The following TRAM1 variants were observed in gnomAD, a reference collection of about 807,000 sequenced individuals.
The protein encoded by TRAM1 is translocation associated membrane protein 1.
In TRAM1, 17 loss-of-function variants were observed where a neutral mutation model predicts 48.7. The observed-to-expected ratio is 0.35, with a 90% CI of 0.24 to 0.52. The LOEUF is 0.52. TRAM1 is among the 20% of genes least tolerant of loss of function. The probability of loss-of-function intolerance (pLI) is 0.94; values close to 1 mark genes in which losing one functional copy is unlikely to be tolerated. For missense variants in TRAM1, 351 were observed against 441.5 expected, an observed-to-expected ratio of 0.79 and a Z score of 1.84; for synonymous variants, 182 against 154.0, an observed-to-expected ratio of 1.18 and a Z score of -1.34.
intron 1 of TRAM1, chr8:70,607,443 T>A: frequency 1.0e-6 from 1 of 985,498 alleles, no homozygotes. Flanking sequence ...GAAAACAATC[T>A]GGCGCGCCTC....
intron 1 of TRAM1, 24 bp downstream of exon 1, chr8:70,608,053 G>T: frequency 6.3e-7 from 1 of 1,575,214 alleles, no homozygotes; most frequent in Non-Finnish European, 8.6e-7. Flanking sequence ...CGGGGCAGGC[G>T]GTTGGGACTC....
At chr8:70,604,968 GA>G (rs1335432606) in intron 1 of TRAM1, among the ~76,000 whole-genome samples, 26 of 152,256 alleles carry the variant, frequency 1.7e-4, no homozygotes, top group African/African-American at 6.0e-4. Flanking sequence ...GAATTATGTG[GA>G]CAGATATTTA....
chr8:70,596,125 G>A (rs1019334145), intron 5 of TRAM1, 138 bp downstream of exon 5: 6 of 555,440 alleles, frequency 1.1e-5, no homozygotes, highest in Non-Finnish European at 1.8e-5. Flanking sequence ...TCTTACGGCA[G>A]TGGGACTGTC....
intron 8 of TRAM1, among the ~76,000 whole-genome samples, chr8:70,585,089 T>C (rs1817181385): frequency 6.6e-6 from 1 of 152,062 alleles, no homozygotes; most frequent in South Asian, 2.1e-4. Flanking sequence ...GAGATATAGA[T>C]CAATGGAACA....
At chr8:70,591,007 T>C (rs2380658) in intron 6 of TRAM1, among the ~76,000 whole-genome samples, 1 of 129,372 alleles carries the variant, frequency 7.7e-6, no homozygotes, top group Admixed American at 7.7e-5. Flanking sequence ...ACAATAATAA[T>C]AAAAAAAAAA....
At position 70,593,991 on chromosome 8, in the gene TRAM1, C is replaced by T. The variant is rs546825887; in HGVS notation, c.570+515G>A. Among the ~76,000 whole-genome samples, 6 of 152,258 alleles carry T rather than the reference C, an allele frequency of 3.9e-5. No individual in the cohort carries two copies. The South Asian group carries it at 1.0e-3, about 26-fold the overall frequency. On this transcript the variant is annotated intron_variant, in intron 6 of 10. Coordinates refer to ENST00000262213, the MANE Select transcript of TRAM1 (RefSeq NM_014294.6). ...TGTTCAAATAAAACAAACAAATATC[C>T]TTTCCACATGCTAAAAAGGGAATGC...
chr8:70,598,312 C>A, intron 2 of TRAM1, 57 bp from the exon 3 acceptor site: 2 of 1,514,808 alleles, frequency 1.3e-6, no homozygotes, highest in Non-Finnish European at 1.8e-6. Context: ...ATAAAAACAG[C>A]ATTAAGTACA....
chr8:70,590,530 C>T (rs1586758351), intron 6 of TRAM1, among the ~76,000 whole-genome samples: 1 of 152,224 alleles, frequency 6.6e-6, no homozygotes, highest in East Asian at 1.9e-4. Flanking sequence ...CTATGTTACT[C>T]AGGCTGGAGT....
Position 70,608,152 on chromosome 8 carries a change from G to A in TRAM1, c.48C>T (p.His16=). 2 of 1,600,196 alleles carry A rather than the reference G, an allele frequency of 1.2e-6. No individual in the cohort carries two copies. The highest frequency in any genetic ancestry group is 1.1e-5 in the South Asian group (1 of 89,680). Residue 16 remains histidine (H), a synonymous_variant, in exon 1 of 11, where the codon CAC becomes CAT. Coordinates refer to ENST00000262213, the MANE Select transcript of TRAM1 (RefSeq NM_014294.6). ...KSTKSPPVLS[H]EFVLQNHADI... ...CCGCGTGATTCTGCAGGACGAATTCGTGGCTCAGCACTGGGGGGCTCTTGG... is the reference window on the plus strand; with the variant it reads ...CCGCGTGATTCTGCAGGACGAATTCATGGCTCAGCACTGGGGGGCTCTTGG...
intron 4 of TRAM1, among the ~76,000 whole-genome samples, chr8:70,596,601 C>T (rs779728876): frequency 2.6e-5 from 4 of 152,030 alleles, no homozygotes; most frequent in African/African-American, 7.2e-5. Flanking sequence ...AATACACGTA[C>T]ACAAACAAAC....
In TRAM1 at chr8:70,608,365, G is replaced by T; in HGVS notation, c.-166C>A. 1.7e-6 allele frequency: 1 copy of T among 598,284 alleles called. No homozygotes were observed. The highest frequency in any genetic ancestry group is 2.2e-6 in the Non-Finnish European group (1 of 453,182). The allele number at this position is 598,284 out of a possible 1,614,324, so 37.1% of individuals were successfully genotyped here. On this transcript the variant is annotated 5_prime_UTR_variant, in exon 1 of 11. Transcript: ENST00000262213. Reference sequence around the variant, plus strand: ...ACAGCCAGTACGCAGCCGCCGGGCCGCCCGGGGGAAAAAAAAAAACACAAC... The same window carrying T: ...ACAGCCAGTACGCAGCCGCCGGGCCTCCCGGGGGAAAAAAAAAAACACAAC...
intron 6 of TRAM1, among the ~76,000 whole-genome samples, chr8:70,587,936 G>C (rs1046013915): frequency 2.0e-5 from 3 of 152,142 alleles, no homozygotes; most frequent in Admixed American, 6.5e-5. Context: ...CACTAGTGGG[G>C]CCAGGTGTGA....
intron 10 of TRAM1, among the ~76,000 whole-genome samples, chr8:70,577,446 C>G (rs563146120): frequency 6.6e-6 from 1 of 152,180 alleles, no homozygotes; most frequent in Non-Finnish European, 1.5e-5. Flanking sequence ...CTTCCTCCCC[C>G]CTGAAGCTCA....
At chr8:70,591,563 T>C (rs1817360837) in intron 6 of TRAM1, among the ~76,000 whole-genome samples, 1 of 152,208 alleles carries the variant, frequency 6.6e-6, no homozygotes, top group Admixed American at 6.5e-5. Flanking sequence ...TTTCAGTTGT[T>C]ATTCCAACAT....
intron 1 of TRAM1, among the ~76,000 whole-genome samples, chr8:70,600,527 A>T (rs931668266): frequency 1.3e-5 from 2 of 152,196 alleles, no homozygotes; most frequent in Non-Finnish European, 2.9e-5. Flanking sequence ...CACACCCAGC[A>T]GAGTTAAGTG....
intron 6 of TRAM1, among the ~76,000 whole-genome samples, chr8:70,594,171 A>G (rs1435360950): frequency 2.6e-5 from 4 of 152,204 alleles, no homozygotes; most frequent in Admixed American, 2.0e-4. Context: ...TTTGCTAAGA[A>G]TATCAGTAAG....
intron 5 of TRAM1, 47 bp downstream of exon 5, chr8:70,596,216 C>A (rs766418982): frequency 7.0e-7 from 1 of 1,438,722 alleles, no homozygotes; most frequent in Non-Finnish European, 9.4e-7. Flanking sequence ...TTAATAGTGA[C>A]ATGACCATGG....
rs553415911 is a variant in TRAM1 at position 70,573,272 on chromosome 8, A to C, written c.*1660T>G. Among the ~76,000 whole-genome samples the C allele has an allele frequency of 2.0e-5, 3 of 152,182 alleles. No individual in the cohort carries two copies. Among genetic ancestry groups the C allele is most frequent in the Non-Finnish European group, 4.4e-5 (3 of 68,024 alleles). Reference sequence around the variant, plus strand: ...TTTGGTTATGACCATCTATCCCCCCAGTAGTCCTCACCAATATTCTGTGGA... The same window carrying C: ...TTTGGTTATGACCATCTATCCCCCCCGTAGTCCTCACCAATATTCTGTGGA... On this transcript the variant is annotated 3_prime_UTR_variant, in exon 11 of 11. Transcript: ENST00000262213.
chr8:70,597,908 A>G lies in TRAM1; in HGVS notation c.413T>C (p.Phe138Ser). 6.3e-7 allele frequency: 1 copy of G among 1,596,866 alleles called. No homozygotes were observed. The highest frequency in any genetic ancestry group is 8.5e-7 in the Non-Finnish European group (1 of 1,169,862). ...GGACATACTTACAGAGATGAGAATG[A>G]ATGTGCCCCAAACACAGGCAAAAAG... ...FYLFACVWGT[F>S]ILISENYISD... The change falls in exon 4 of 11, where the codon TTC (phenylalanine) becomes TCC (serine). Residue 138 changes from phenylalanine to serine, a missense_variant. By Grantham distance (155) the Phe-to-Ser change is radical. Coordinates refer to ENST00000262213, the MANE Select transcript of TRAM1 (RefSeq NM_014294.6).
Sources: allele counts gnomAD v4.1 joint callset (sites outside exome capture counted in the v4.1 genomes callset), GRCh38; gene constraint gnomAD v4.1.1; transcripts MANE v1.5; gene names NCBI Gene and HGNC (gene_info 2026-07-23, HGNC 2026-07-21).